SYT9: variants seen among roughly 807,000 people sequenced by gnomAD.
SYT9 encodes the protein synaptotagmin 9, also known as synaptotagmin-9.
Under a neutral mutation model 48.4 loss-of-function variants are expected in SYT9, and 22 were observed. That is an observed-to-expected ratio of 0.45 (90% CI 0.32 to 0.65). The LOEUF (loss-of-function observed/expected upper bound fraction) is 0.65. SYT9 is among the 30% of genes least tolerant of loss of function. The pLI, the probability that SYT9 is intolerant of heterozygous loss-of-function variation, is 0.03. For missense variants in SYT9, 577 were observed against 622.0 expected (o/e 0.93, Z 0.77); for synonymous variants, 265 against 245.0 (o/e 1.08, Z -0.76).
intron 3 of SYT9, among the ~76,000 whole-genome samples, chr11:7,350,890 A>G (rs991735045): frequency 6.6e-6 from 1 of 152,240 alleles, no homozygotes; most frequent in Admixed American, 6.5e-5. Flanking sequence ...ACAATTATTT[A>G]TAGTGGATTC....
chr11:7,328,178 T>A (rs1184366594), intron 3 of SYT9, among the ~76,000 whole-genome samples: 1 of 151,938 alleles, frequency 6.6e-6, no homozygotes, highest in African/African-American at 2.4e-5. Flanking sequence ...CATCCTTATA[T>A]TTTAAGTGTA....
At chr11:7,270,015 G>A (rs890762178) in intron 1 of SYT9, among the ~76,000 whole-genome samples, 4 of 152,062 alleles carry the variant, frequency 2.6e-5, no homozygotes, top group Non-Finnish European at 2.9e-5. Context: ...AACCAAAAAT[G>A]GGACAAAATA....
intron 3 of SYT9, among the ~76,000 whole-genome samples, chr11:7,349,080 T>C (rs547051523): frequency 6.6e-6 from 1 of 152,022 alleles, no homozygotes; most frequent in South Asian, 2.1e-4. Flanking sequence ...AAATGAGTCA[T>C]AAAACTCAGA....
intron 3 of SYT9, among the ~76,000 whole-genome samples, chr11:7,362,206 G>A (rs1297597121): frequency 1.3e-5 from 2 of 149,964 alleles, no homozygotes; most frequent in African/African-American, 4.9e-5. Context: ...GTGCGGTGGT[G>A]TGATCTCGGC....
Position 7,303,124 on chromosome 11 carries a change from C to T in SYT9, c.231C>T (p.Leu77=), listed in dbSNP as rs1848956762. Residue 77 remains leucine (L), a synonymous_variant, in exon 2 of 7, where the codon CTC becomes CTT. Coordinates refer to ENST00000318881, the MANE Select transcript of SYT9 (RefSeq NM_175733.4). ...TGTCTCTCTTCGTATCTTGGAAACT[C>T]TGCTGGGTTCCGTGGCGAGAACGAG... The part of the protein sequence containing the change: ...FGVSLFVSWK[L]CWVPWRERGL... 6.2e-7 allele frequency: 1 copy of T among 1,614,094 alleles called. No individual in the cohort carries two copies. Among genetic ancestry groups the T allele is most frequent in the African/African-American group, 1.3e-5 (1 of 74,932 alleles).
chr11:7,430,307 T>G (rs543468029), intron 6 of SYT9, among the ~76,000 whole-genome samples: 77 of 152,344 alleles, frequency 5.1e-4, no homozygotes, highest in Non-Finnish European at 9.4e-4. Context: ...AGGGTTTCTA[T>G]AAAGCAAGGG....
intron 2 of SYT9, 55 bp from the exon 3 acceptor site, chr11:7,313,340 A>G (rs1849174983): frequency 6.6e-7 from 1 of 1,520,714 alleles, no homozygotes; most frequent in Admixed American, 2.2e-5. Flanking sequence ...AAAGTTTCTG[A>G]GAGACCCATA....
chr11:7,405,092 T>TAAAAAAA (rs10706521), intron 3 of SYT9, among the ~76,000 whole-genome samples: 1 of 130,306 alleles, frequency 7.7e-6, no homozygotes. Context: ...CTGTCAAGGT[T>TAAAAAAA]AAAAAAAAAA....
chr11:7,310,063 T>A (rs1849103198), intron 2 of SYT9, among the ~76,000 whole-genome samples: 1 of 152,252 alleles, frequency 6.6e-6, no homozygotes, highest in South Asian at 2.1e-4. Context: ...AATGAAATTA[T>A]CATGTAAAAT....
At chr11:7,291,153 G>T (rs1234727370) in intron 1 of SYT9, among the ~76,000 whole-genome samples, 2 of 152,146 alleles carry the variant, frequency 1.3e-5, no homozygotes, top group African/African-American at 4.8e-5. Context: ...CCTCCTTTTG[G>T]TTGAACTCAA....
At chr11:7,287,522 C>T (rs948772788) in intron 1 of SYT9, among the ~76,000 whole-genome samples, 2 of 152,216 alleles carry the variant, frequency 1.3e-5, no homozygotes, top group African/African-American at 4.8e-5. Flanking sequence ...CTTCTCAAGA[C>T]AACATTAAGT....
chr11:7,432,583 ATATATATACAT>A (rs1330308593), intron 6 of SYT9, among the ~76,000 whole-genome samples: 14 of 2,900 alleles, frequency 4.8e-3, no homozygotes, highest in South Asian at 0.016. Flanking sequence ...AAAAAAAAAA[ATATATATACAT>A]ATATATATAT....
intron 1 of SYT9, among the ~76,000 whole-genome samples, chr11:7,262,206 A>G (rs1217793438): frequency 6.6e-6 from 1 of 152,152 alleles, no homozygotes; most frequent in African/African-American, 2.4e-5. Flanking sequence ...AGAGGAGTCA[A>G]GACTAAGACT....
intron 3 of SYT9, among the ~76,000 whole-genome samples, chr11:7,396,698 T>C (rs1370196398): frequency 6.6e-6 from 1 of 152,156 alleles, no homozygotes; most frequent in Non-Finnish European, 1.5e-5. Flanking sequence ...GCTTATGAGA[T>C]GGTCAGTTCC....
At chr11:7,367,221 A>G (rs866325817) in intron 3 of SYT9, among the ~76,000 whole-genome samples, 104 of 147,102 alleles carry the variant, frequency 7.1e-4, no homozygotes, top group African/African-American at 2.5e-3. Context: ...AGCTGGAACT[A>G]CAGGCGCCCG....
chr11:7,458,508 T>TA (rs1848189814), intron 6 of SYT9, among the ~76,000 whole-genome samples: 1 of 151,964 alleles, frequency 6.6e-6, no homozygotes, highest in South Asian at 2.1e-4. Context: ...TAATTTAATT[T>TA]AATAGAGCAA....
chr11:7,262,933 A>G (rs2119816882), intron 1 of SYT9, among the ~76,000 whole-genome samples: 1 of 152,298 alleles, frequency 6.6e-6, no homozygotes, highest in South Asian at 2.1e-4. Flanking sequence ...TTATTTATTT[A>G]TTCGTAAGTT....
chr11:7,432,162 G>A (rs1451998760), intron 6 of SYT9, among the ~76,000 whole-genome samples: 1 of 152,214 alleles, frequency 6.6e-6, no homozygotes, highest in East Asian at 1.9e-4. Context: ...AAACCATAGG[G>A]GCAGAGCTGC....
chr11:7,247,465 A>G (rs1236401829), upstream of SYT9, among the ~76,000 whole-genome samples: 2 of 150,220 alleles, frequency 1.3e-5, no homozygotes, highest in African/African-American at 4.9e-5. Context: ...ATTCCATCAT[A>G]TATATATACA....
Sources: gnomAD v4.1 joint callset for allele counts (sites outside exome capture counted in the v4.1 genomes callset) on GRCh38, gnomAD v4.1.1 for gene constraint, MANE v1.5 for transcripts, NCBI Gene and HGNC (gene_info 2026-07-23, HGNC 2026-07-21) for gene names.